KIAA1217: variants seen among roughly 807,000 people sequenced by gnomAD.
KIAA1217 encodes the protein sickle tail protein homolog.
In KIAA1217, 88 loss-of-function variants were observed where a neutral mutation model predicts 163.9. That is an observed-to-expected ratio of 0.54 (90% CI 0.45 to 0.64). The LOEUF is 0.64. Among genes scored for constraint, KIAA1217 ranks in the 30% least tolerant of loss-of-function variants. The probability of loss-of-function intolerance (pLI) is 0.00; values close to 1 mark genes in which losing one functional copy is unlikely to be tolerated. For synonymous variants in KIAA1217, 903 were observed against 923.1 expected (o/e 0.98, Z 0.39); for missense variants, 2,372 against 2,475.0 (o/e 0.96, Z 0.88).
intron 2 of KIAA1217, among the ~76,000 whole-genome samples, chr10:24,141,107 C>A (rs1185102014): frequency 6.6e-6 from 1 of 152,056 alleles, no homozygotes; most frequent in African/African-American, 2.4e-5. Context: ...TTTCCTCCAG[C>A]ATCTCCCAGA....
At position 24,209,695 on chromosome 10, in the gene KIAA1217, C is replaced by G. The variant is rs115992299; in HGVS notation, c.70+432C>G. ...CCATGTGGCAGATGCATGCTGGCTG[C>G]AAAGTTTGTGCAGAATTTTAGAGTT... On this transcript the variant is annotated intron_variant, in intron 1 of 20. Coordinates refer to ENST00000376454, the MANE Select transcript of KIAA1217 (RefSeq NM_019590.5). Among the ~76,000 whole-genome samples, 353 of 152,256 alleles carry G rather than the reference C, an allele frequency of 2.3e-3. 4 individuals carry two copies. Among genetic ancestry groups the G allele is most frequent in the African/African-American group, 8.2e-3 (340 of 41,558 alleles).
intron 5 of KIAA1217, among the ~76,000 whole-genome samples, chr10:24,465,944 G>A (rs2062899958): frequency 6.6e-6 from 1 of 152,142 alleles, no homozygotes; most frequent in Admixed American, 6.5e-5. Context: ...CGTTTCAGAT[G>A]TATTTTCCAG....
chr10:23,778,103 G>A (rs1835087231), intron 1 of KIAA1217, among the ~76,000 whole-genome samples: 1 of 151,958 alleles, frequency 6.6e-6, no homozygotes, highest in South Asian at 2.1e-4. Flanking sequence ...CACCATGTTT[G>A]GCTAATTTTT....
intron 3 of KIAA1217, among the ~76,000 whole-genome samples, chr10:24,404,200 A>G (rs2056908531): frequency 6.6e-6 from 1 of 152,134 alleles, no homozygotes; most frequent in Admixed American, 6.5e-5. Context: ...TCAAGCGAGG[A>G]GCCTCCCGCT....
At chr10:23,854,609 TG>T (rs1298590517) in intron 1 of KIAA1217, among the ~76,000 whole-genome samples, 1 of 152,158 alleles carries the variant, frequency 6.6e-6, no homozygotes, top group Non-Finnish European at 1.5e-5. Flanking sequence ...ATTTTGACAG[TG>T]GGGTGTTAAA....
chr10:24,240,983 C>T (rs1010411340), intron 2 of KIAA1217, among the ~76,000 whole-genome samples: 1 of 152,070 alleles, frequency 6.6e-6, no homozygotes, highest in East Asian at 1.9e-4. Flanking sequence ...AGCCTCCTGA[C>T]TACTGGTGCA....
chr10:24,507,386 A>G (rs1195190222), intron 9 of KIAA1217, among the ~76,000 whole-genome samples: 1 of 152,176 alleles, frequency 6.6e-6, no homozygotes, highest in Non-Finnish European at 1.5e-5. Flanking sequence ...AATCAGCAGC[A>G]AGGACTTCAA....
At chr10:24,009,649 G>A (rs1239937258) in intron 2 of KIAA1217, among the ~76,000 whole-genome samples, 1 of 152,112 alleles carries the variant, frequency 6.6e-6, no homozygotes, top group Non-Finnish European at 1.5e-5. Flanking sequence ...CTTACACACA[G>A]GGAAATAGGA....
At chr10:24,315,799 G>A (rs1443328434) in intron 2 of KIAA1217, among the ~76,000 whole-genome samples, 1 of 151,962 alleles carries the variant, frequency 6.6e-6, no homozygotes, top group Admixed American at 6.6e-5. Flanking sequence ...ACTAATGGAA[G>A]TCATCATAAA....
intron 2 of KIAA1217, among the ~76,000 whole-genome samples, chr10:24,116,495 A>G (rs1417592477): frequency 6.6e-6 from 1 of 152,100 alleles, no homozygotes; most frequent in Non-Finnish European, 1.5e-5. Context: ...AGCCTAAAAT[A>G]TTTGCTATCT....
chr10:24,040,307 C>T (rs549527774), intron 2 of KIAA1217, among the ~76,000 whole-genome samples: 1 of 152,354 alleles, frequency 6.6e-6, no homozygotes, highest in East Asian at 1.9e-4. Context: ...TTCCTCTCTC[C>T]TCCATCCCTG....
intron 2 of KIAA1217, among the ~76,000 whole-genome samples, chr10:24,224,779 G>A (rs1361923560): frequency 6.7e-6 from 1 of 150,308 alleles, no homozygotes; most frequent in Non-Finnish European, 1.5e-5. Context: ...CCAAAGAAGA[G>A]TCTCAGAGGC....
intron 1 of KIAA1217, among the ~76,000 whole-genome samples, chr10:23,935,297 A>C (rs779561677): frequency 6.6e-6 from 1 of 152,240 alleles, no homozygotes; most frequent in Admixed American, 6.5e-5. Flanking sequence ...AACTGACTTC[A>C]GGTCAATAAG....
At chr10:23,904,238 A>C (rs142401927) in intron 1 of KIAA1217, among the ~76,000 whole-genome samples, 1,528 of 152,306 alleles carry the variant, frequency 0.01, 12 homozygotes, top group South Asian at 0.023. Flanking sequence ...TCAGAAACAC[A>C]GTGAATGCTC....
intron 2 of KIAA1217, among the ~76,000 whole-genome samples, chr10:24,175,699 T>G (rs544962540): frequency 1.3e-5 from 2 of 152,122 alleles, no homozygotes; most frequent in Non-Finnish European, 2.9e-5. Context: ...TATTCAGATG[T>G]GTTTGGAGTT....
intron 2 of KIAA1217, among the ~76,000 whole-genome samples, chr10:24,131,045 TTTAG>T (rs1240680175): frequency 2.6e-5 from 4 of 152,230 alleles, no homozygotes; most frequent in African/African-American, 9.6e-5. Flanking sequence ...ACATAAATGA[TTTAG>T]TTAAAGAATT....
intron 2 of KIAA1217, among the ~76,000 whole-genome samples, chr10:24,111,735 T>G (rs1362668816): frequency 6.6e-6 from 1 of 152,156 alleles, no homozygotes. Flanking sequence ...AAATTTCAGA[T>G]GAAGGGGTTT....
intron 2 of KIAA1217, among the ~76,000 whole-genome samples, chr10:24,022,574 C>T (rs1847780282): frequency 1.3e-5 from 2 of 151,700 alleles, no homozygotes; most frequent in African/African-American, 2.4e-5. Context: ...AGTTAAACAT[C>T]GACTTACTAT....
intron 2 of KIAA1217, among the ~76,000 whole-genome samples, chr10:24,077,442 TG>T (rs1473490477): frequency 2.0e-5 from 3 of 152,274 alleles, no homozygotes; most frequent in Non-Finnish European, 4.4e-5. Context: ...TTTTACTTTT[TG>T]TTCCTGTGTT....
Sources: allele counts gnomAD v4.1 joint callset (sites outside exome capture counted in the v4.1 genomes callset), GRCh38; gene constraint gnomAD v4.1.1; transcripts MANE v1.5; gene names NCBI Gene and HGNC (gene_info 2026-07-23, HGNC 2026-07-21).